USF3: variants seen among roughly 807,000 people sequenced by gnomAD.
USF3 encodes basic helix-loop-helix domain-containing protein USF3.
USF3 carries 29 observed loss-of-function variants against 157.5 expected under a neutral mutation model. The observed-to-expected ratio is 0.18, with a 90% CI of 0.14 to 0.25. USF3 has a LOEUF of 0.25. Among genes scored for constraint, USF3 ranks in the 10% least tolerant of loss-of-function variants. USF3 has a pLI of 1.00. For synonymous variants in USF3, 893 were observed against 941.4 expected, an observed-to-expected ratio of 0.95 and a Z score of 0.94; for missense variants, 2,381 against 2,667.6, an observed-to-expected ratio of 0.89 and a Z score of 2.37.
rs759550283 is a variant in USF3 at position 113,657,479 on chromosome 3, T to C, written c.4203A>G (p.Leu1401=). The C allele has an allele frequency of 6.2e-6, 10 of 1,614,108 alleles. No individual in the cohort carries two copies. In the South Asian group the frequency reaches 8.8e-5, roughly 14 times the overall value. ...NPAHGDGLTR[L]FPPSNNFVTP... is the part of the protein sequence containing the mutation. ...TCACAAAGTTGTTACTAGGTGGAAA[T>C]AATCGTGTAAGGCCATCTCCATGAG... The change falls in exon 7 of 7, where the codon TTA becomes TTG. Residue 1401 remains leucine (L), a synonymous_variant. Coordinates refer to ENST00000316407, the MANE Select transcript of USF3 (RefSeq NM_001009899.4).
At chr3:113,690,599 T>A (rs1220770096) in intron 1 of USF3, among the ~76,000 whole-genome samples, 3 of 152,188 alleles carry the variant, frequency 2.0e-5, no homozygotes, top group African/African-American at 7.2e-5. Context: ...TCAGACAGGT[T>A]TATCCCTGTG....
rs1577033276 is a variant in USF3 at position 113,660,979 on chromosome 3, T to G, written c.703A>C (p.Ser235Arg). ...LCLPAAISAQ[S>R]ILELPTSESE... ...TCAGAGGTGGGAAGCTCGAGAATAC[T>G]CTGAGCAGAAATGGCAGCAGGAAGA... The change falls in exon 7 of 7, where the codon AGT becomes CGT. Residue 235 changes from serine to arginine, a missense_variant. Ser to Arg is a moderately radical substitution (Grantham distance 110, BLOSUM62 -1). Coordinates refer to ENST00000316407, the MANE Select transcript of USF3 (RefSeq NM_001009899.4). 1 of 1,614,142 alleles carries G rather than the reference T, an allele frequency of 6.2e-7. No homozygotes were observed. Among genetic ancestry groups the G allele is most frequent in the Non-Finnish European group, 8.5e-7 (1 of 1,179,998 alleles).
intron 1 of USF3, among the ~76,000 whole-genome samples, chr3:113,686,493 T>G (rs950158197): frequency 6.6e-6 from 1 of 152,256 alleles, no homozygotes; most frequent in African/African-American, 2.4e-5. Flanking sequence ...TCTCACTATG[T>G]TGAGCAAACT....
chr3:113,691,733 A>G (rs114317169), intron 1 of USF3, among the ~76,000 whole-genome samples: 1 of 152,174 alleles, frequency 6.6e-6, no homozygotes, highest in African/African-American at 2.4e-5. Context: ...TCCAGTATCC[A>G]TTTGCTGCTT....
intron 1 of USF3, among the ~76,000 whole-genome samples, chr3:113,685,494 G>A (rs1707528523): frequency 6.6e-6 from 1 of 152,154 alleles, no homozygotes; most frequent in Non-Finnish European, 1.5e-5. Context: ...AGGAGCCAAA[G>A]CCTGGAATCT....
chr3:113,674,789 T>C (rs1190625058), intron 3 of USF3, 43 bp downstream of exon 3: 9 of 1,553,682 alleles, frequency 5.8e-6, no homozygotes, highest in Non-Finnish European at 8.0e-6. Flanking sequence ...ATTCTGCTTC[T>C]TATCTGCCCA....
Position 113,660,074 on chromosome 3 carries a change from A to G in USF3, c.1608T>C (p.Ala536=). Residue 536 remains alanine, a synonymous_variant, in exon 7 of 7, where the codon GCT becomes GCC. Coordinates refer to ENST00000316407, the MANE Select transcript of USF3 (RefSeq NM_001009899.4). The stretch of plus-strand genomic sequence containing the variant: ...AATTAACAGCTGACCCAACTGGCTG[A>G]GCCATCTGAATCACTTGCATTGCTG... ...LNSAMQVIQM[A]QPVGSAVNSA... is the part of the protein sequence containing the mutation. 6.2e-7 allele frequency: 1 copy of G among 1,614,208 alleles called. No homozygotes were observed. The highest frequency in any genetic ancestry group is 8.5e-7 in the Non-Finnish European group (1 of 1,180,038).
chr3:113,654,926 C>T lies in USF3; in HGVS notation c.*18G>A. 6.3e-7 allele frequency: 1 copy of T among 1,592,668 alleles called. No individual in the cohort carries two copies. The highest frequency in any genetic ancestry group is 8.6e-7 in the Non-Finnish European group (1 of 1,167,954). ...TTTGTAATCTCACTCATTACCTTTA[C>T]ATTTTGTTTATCAGTATTTAAACAG... On this transcript the variant is annotated 3_prime_UTR_variant, in exon 7 of 7. Coordinates refer to ENST00000316407, the MANE Select transcript of USF3 (RefSeq NM_001009899.4).
At chr3:113,669,745 G>A (rs1037308323) in intron 5 of USF3, among the ~76,000 whole-genome samples, 2 of 151,946 alleles carry the variant, frequency 1.3e-5, no homozygotes, top group Admixed American at 1.3e-4. Context: ...AGGGCACGGA[G>A]AATAAATTTT....
At chr3:113,665,842 A>G (rs766090145) in intron 5 of USF3, among the ~76,000 whole-genome samples, 7 of 151,902 alleles carry the variant, frequency 4.6e-5, no homozygotes, top group Non-Finnish European at 1.0e-4. Flanking sequence ...GAAAAAACAA[A>G]CAAACGAACA....
At chr3:113,674,341 AT>A (rs1416192545) in intron 3 of USF3, among the ~76,000 whole-genome samples, 1 of 151,916 alleles carries the variant, frequency 6.6e-6, no homozygotes, top group South Asian at 2.1e-4. Flanking sequence ...AGAACAGATA[AT>A]TTTTTTTCTT....
rs780488926 is a variant in USF3, at chr3:113,674,918, C to A, written c.-18-22G>T. 7.5e-6 allele frequency: 11 copies of A among 1,464,212 alleles called. No homozygotes were observed. The South Asian group carries it at 1.2e-4, about 17-fold the overall frequency. The allele number at this position is 1,464,212 out of a possible 1,614,324, so 90.7% of individuals were successfully genotyped here. A position where few individuals can be genotyped will look rare whatever the true frequency, so the allele number is the denominator to read the frequency against. ...GAACCTACAGAAGGATAGAAAGACA[C>A]ACCAGAAAGCTTAGTCATTCTAGAA... is the stretch of plus-strand genomic sequence containing the variant. On this transcript the variant is annotated intron_variant, in intron 2 of 6. Coordinates refer to ENST00000316407, the MANE Select transcript of USF3 (RefSeq NM_001009899.4).
intron 5 of USF3, among the ~76,000 whole-genome samples, chr3:113,668,814 C>A (rs1463415488): frequency 2.0e-5 from 3 of 151,934 alleles, no homozygotes; most frequent in African/African-American, 7.3e-5. Flanking sequence ...AGAAAAAAGA[C>A]TATTGGAAAT....
At chr3:113,679,571 AC>A (rs1271617930) in intron 1 of USF3, among the ~76,000 whole-genome samples, 1 of 151,698 alleles carries the variant, frequency 6.6e-6, no homozygotes, top group Non-Finnish European at 1.5e-5. Context: ...CTGGCACCAT[AC>A]CCAGCTAATT....
In USF3 at chr3:113,660,393, T is replaced by C; in HGVS notation, c.1289A>G (p.Gln430Arg). 1 of 1,614,224 alleles carries C rather than the reference T, an allele frequency of 6.2e-7. No individual in the cohort carries two copies. Among genetic ancestry groups the C allele is most frequent in the Non-Finnish European group, 8.5e-7 (1 of 1,180,024 alleles). Residue 430 changes from glutamine to arginine, a missense_variant, in exon 7 of 7, where the codon CAG becomes CGG. By Grantham distance (43) the Gln-to-Arg change is conservative. This residue lies in a region of USF3 where 1,435 missense variants were observed against 1,550.9 expected (regional missense o/e 0.93). Transcript: ENST00000316407. ...CAGTTGCAAAGTAGTCCACGTTGTCTGTGTGTTTCCAGCTGAAGAGATTCG... is the reference window on the plus strand; with the variant it reads ...CAGTTGCAAAGTAGTCCACGTTGTCCGTGTGTTTCCAGCTGAAGAGATTCG... ...LTRISSAGNT[Q>R]TTWTTLQLAG... is the part of the protein sequence containing the mutation.
chr3:113,659,972 T>G lies in USF3; in HGVS notation c.1710A>C (p.Glu570Asp), dbSNP rs879643644. ...GTTGACCTACTGTTTGGTTGGAAAC[T>G]TCTGCCCTCATCACTGTTGGGCATG... ...TTPCPTVMRA[E>D]VSNQTVGQQI... The change falls in exon 7 of 7, where the codon GAA (glutamate) becomes GAC (aspartate). Residue 570 changes from glutamate to aspartate, a missense_variant. Physicochemically the swap from Glu to Asp is conservative, Grantham distance 45. Transcript: ENST00000316407. 3 of 1,614,222 alleles carry G rather than the reference T, an allele frequency of 1.9e-6. No homozygotes were observed. The highest frequency in any genetic ancestry group is 2.5e-6 in the Non-Finnish European group (3 of 1,180,030).
At chr3:113,689,043 A>AAACAAACC (rs1161407578) in intron 1 of USF3, among the ~76,000 whole-genome samples, 2 of 151,934 alleles carry the variant, frequency 1.3e-5, no homozygotes, top group Non-Finnish European at 2.9e-5. Context: ...AAAAACAAAC[A>AAACAAACC]AACAAACAAA....
rs1266464109 is a variant in USF3, at chr3:113,652,108, A to AGAGAGTGT, written c.*2835_*2836insACACTCTC. 5.6e-5 allele frequency: 8 copies of AGAGAGTGT among 142,082 alleles called. No homozygotes were observed. Among genetic ancestry groups the AGAGAGTGT allele is most frequent in the South Asian group, 2.3e-4 (1 of 4,308 alleles). The allele number at this position is 142,082 out of a possible 1,614,324, so 8.8% of individuals were successfully genotyped here. On this transcript the variant is annotated 3_prime_UTR_variant, in exon 7 of 7. Transcript: ENST00000316407. Reference sequence around the variant, plus strand: ...TGGAGAGAGAGAGAGAGAGAGAGAGAGTGTGTGTGTGTGTGTGTGTGTGTG... The same window carrying AGAGAGTGT: ...TGGAGAGAGAGAGAGAGAGAGAGAGAGAGAGTGTGTGTGTGTGTGTGTGTGTGTGTGTG...
At chr3:113,662,567 C>T (rs545577686) in intron 6 of USF3, among the ~76,000 whole-genome samples, 1 of 152,300 alleles carries the variant, frequency 6.6e-6, no homozygotes, top group Non-Finnish European at 1.5e-5. Context: ...GATCATTTTT[C>T]TTAGTTTAAA....
Sources: allele counts gnomAD v4.1 joint callset (sites outside exome capture counted in the v4.1 genomes callset), GRCh38; gene constraint gnomAD v4.1.1; regional missense constraint gnomAD v4.1.1; transcripts MANE v1.5; gene names NCBI Gene and HGNC (gene_info 2026-07-23, HGNC 2026-07-21).